Variants in ZDHHC1 observed in about 807,000 individuals in gnomAD.
ZDHHC1 encodes zDHHC palmitoyltransferase 1, also known as palmitoyltransferase ZDHHC1.
A neutral mutation model predicts 46.9 loss-of-function variants in ZDHHC1; 45 were observed. The observed-to-expected ratio is 0.96, with a 90% confidence interval of 0.76 to 1.23. The LOEUF (loss-of-function observed/expected upper bound fraction) is 1.23, where lower values mean the gene tolerates loss of function less well. ZDHHC1 is among the 50% of genes most tolerant of loss of function. The pLI, the probability that ZDHHC1 is intolerant of heterozygous loss-of-function variation, is 0.00. For synonymous variants in ZDHHC1, 291 were observed against 286.0 expected, an observed-to-expected ratio of 1.02 and a Z score of -0.18; for missense variants, 649 against 670.8, an observed-to-expected ratio of 0.97 and a Z score of 0.36.
intron 8 of ZDHHC1, chr16:67,395,797 TC>T (rs1171925322): frequency 5.4e-6 from 3 of 557,812 alleles, no homozygotes; most frequent in Non-Finnish European, 6.4e-6. Context: ...AGCCTCTGCC[TC>T]CTGCAGGAAG....
intron 8 of ZDHHC1, among the ~76,000 whole-genome samples, chr16:67,397,295 G>C (rs2040451952): frequency 6.6e-6 from 1 of 152,210 alleles, no homozygotes; most frequent in Non-Finnish European, 1.5e-5. Flanking sequence ...GTCTCCTCTT[G>C]ATGTGGGGCT....
intron 2 of ZDHHC1, among the ~76,000 whole-genome samples, chr16:67,407,293 T>A (rs939967054): frequency 2.0e-5 from 3 of 152,174 alleles, no homozygotes; most frequent in African/African-American, 7.2e-5. Context: ...CCCCAGGATA[T>A]GGGCCCAAGA....
chr16:67,410,526 C>A (rs1343656510), intron 1 of ZDHHC1, among the ~76,000 whole-genome samples: 1 of 152,150 alleles, frequency 6.6e-6, no homozygotes, highest in East Asian at 1.9e-4. Flanking sequence ...GGAGGCCCCT[C>A]CCTTATCCCC....
At chr16:67,407,847 G>T in intron 1 of ZDHHC1, 34 bp from the exon 2 acceptor site, 2 of 767,622 alleles carry the variant, frequency 2.6e-6, no homozygotes, top group Non-Finnish European at 4.9e-6. Flanking sequence ...ACAGTAAATG[G>T]TGTGGAATCC....
chr16:67,414,612 A>G (rs1484352718), intron 1 of ZDHHC1, among the ~76,000 whole-genome samples: 2 of 152,230 alleles, frequency 1.3e-5, no homozygotes, highest in African/African-American at 4.8e-5. Flanking sequence ...AGCTCTAAGG[A>G]AGGTCCTATC....
intron 1 of ZDHHC1, among the ~76,000 whole-genome samples, chr16:67,413,002 C>T (rs970800172): frequency 6.6e-6 from 1 of 151,928 alleles, no homozygotes; most frequent in Non-Finnish European, 1.5e-5. Flanking sequence ...GGGGTTTCAC[C>T]ATGTTGGCCA....
At position 67,394,898 on chromosome 16, in the gene ZDHHC1, G is replaced by A; in HGVS notation, c.1166-5C>T. 6.4e-7 allele frequency: 1 copy of A among 1,563,052 alleles called. No homozygotes were observed. The highest frequency in any genetic ancestry group is 1.7e-4 in the Middle Eastern group (1 of 5,922). On this transcript the variant is annotated splice_region_variant and splice_polypyrimidine_tract_variant and intron_variant, in intron 11 of 11. Transcript: ENST00000565726. Reference sequence around the variant, plus strand: ...GGCGGCTGGGGGCCCTAGGCCCTGCGCAAGGGAAGGGAACATGAGCCCAGT... The same window carrying A: ...GGCGGCTGGGGGCCCTAGGCCCTGCACAAGGGAAGGGAACATGAGCCCAGT...
intron 5 of ZDHHC1, 150 bp from the exon 6 acceptor site, chr16:67,399,094 A>G: frequency 8.3e-7 from 1 of 1,199,570 alleles, no homozygotes; most frequent in Non-Finnish European, 1.1e-6. Flanking sequence ...GGCATACGGC[A>G]AAACTGAAGA....
intron 1 of ZDHHC1, among the ~76,000 whole-genome samples, chr16:67,410,672 A>G (rs900701705): frequency 4.9e-5 from 7 of 143,314 alleles, no homozygotes; most frequent in South Asian, 2.1e-4. Flanking sequence ...TATTATTATT[A>G]TTGTTATTAT....
At chr16:67,411,575 G>A (rs1446601344) in intron 1 of ZDHHC1, among the ~76,000 whole-genome samples, 2 of 152,138 alleles carry the variant, frequency 1.3e-5, no homozygotes, top group African/African-American at 4.8e-5. Flanking sequence ...CTTTGACCCA[G>A]ACATTCCATT....
At position 67,401,085 on chromosome 16, in the gene ZDHHC1, G is replaced by A. The variant is rs150764735; in HGVS notation, c.300C>T (p.Ala100=). Residue 100 remains alanine (A), a synonymous_variant, in exon 4 of 12, where the codon GCC becomes GCT. Coordinates refer to ENST00000565726, the MANE Select transcript of ZDHHC1 (RefSeq NM_001323627.2). The surrounding 1 kb of genome is among the most constrained non-coding windows in gnomAD (Gnocchi z 4.6). ...FAGHLVVHLT[A]VSIDPADANV... The stretch of plus-strand genomic sequence containing the variant: ...TGGCATCTGCTGGATCGATGGAGAC[G>A]GCGGTCAGGTGCACCACAAGGTGGC... 736 of 1,614,066 alleles carry A rather than the reference G, an allele frequency of 4.6e-4. No individual in the cohort carries two copies. Among genetic ancestry groups the A allele is most frequent in the Non-Finnish European group, 5.6e-4 (657 of 1,180,018 alleles).
chr16:67,412,314 T>A (rs2040760304), intron 1 of ZDHHC1, among the ~76,000 whole-genome samples: 1 of 150,966 alleles, frequency 6.6e-6, no homozygotes, highest in Non-Finnish European at 1.5e-5. Flanking sequence ...ATTTTTATCA[T>A]GAGCATGTAC....
chr16:67,412,686 G>A (rs1459792873), intron 1 of ZDHHC1, among the ~76,000 whole-genome samples: 1 of 152,204 alleles, frequency 6.6e-6, no homozygotes, highest in Non-Finnish European at 1.5e-5. Flanking sequence ...AGCTACCTGA[G>A]ACTCCCAGAA....
chr16:67,395,697 C>T, intron 8 of ZDHHC1, 131 bp from the exon 9 acceptor site: 1 of 903,880 alleles, frequency 1.1e-6, no homozygotes, highest in Non-Finnish European at 1.7e-6. Flanking sequence ...AGGCTCCCAG[C>T]CATGCTGGGA....
chr16:67,399,530 G>A, intron 4 of ZDHHC1, 74 bp from the exon 5 acceptor site: 2 of 1,319,430 alleles, frequency 1.5e-6, no homozygotes, highest in Non-Finnish European at 2.1e-6. Flanking sequence ...CGGGGTGGTT[G>A]AGTGGGGTCT....
At chr16:67,402,015 CTTCA>C (rs2040561259) in intron 3 of ZDHHC1, among the ~76,000 whole-genome samples, 1 of 152,170 alleles carries the variant, frequency 6.6e-6, no homozygotes, top group Non-Finnish European at 1.5e-5. Context: ...ATCTGCCATC[CTTCA>C]TTCATCAGCT....
chr16:67,408,924 C>T (rs1451999738), intron 1 of ZDHHC1, among the ~76,000 whole-genome samples: 1 of 152,232 alleles, frequency 6.6e-6, no homozygotes, highest in African/African-American at 2.4e-5. Context: ...GTGGCTTGCA[C>T]ATCAGCTCCC....
At chr16:67,404,901 A>G (rs2040625079) in intron 3 of ZDHHC1, among the ~76,000 whole-genome samples, 1 of 152,226 alleles carries the variant, frequency 6.6e-6, no homozygotes, top group Non-Finnish European at 1.5e-5. Context: ...CATCTGGTTA[A>G]TCTGGTTTCC....
At position 67,401,059 on chromosome 16, in the gene ZDHHC1, T is replaced by C. The variant is rs768667153; in HGVS notation, c.326A>G (p.Asn109Ser). The change falls in exon 4 of 12, where the codon AAC (asparagine) becomes AGC (serine). Residue 109 changes from asparagine to serine, a missense_variant. Physicochemically the swap from Asn to Ser is conservative, Grantham distance 46. Transcript: ENST00000565726. This position sits in a 1 kb window ranked among gnomAD's most constrained non-coding sequence, Gnocchi z 4.6. ...CCCCGCATAGCTCTTGTCCCGCACG[T>C]TGGCATCTGCTGGATCGATGGAGAC... ...TAVSIDPADA[N>S]VRDKSYAGPL... The C allele has an allele frequency of 1.9e-6, 3 of 1,614,178 alleles. No homozygotes were observed. Among genetic ancestry groups the C allele is most frequent in the East Asian group, 2.2e-5 (1 of 44,892 alleles).
Sources: allele counts gnomAD v4.1 joint callset (sites outside exome capture counted in the v4.1 genomes callset), GRCh38; gene constraint gnomAD v4.1.1; non-coding constraint Gnocchi (gnomAD v3.1); transcripts MANE v1.5; gene names NCBI Gene and HGNC (gene_info 2026-07-23, HGNC 2026-07-21).